Variants in ZNF644 observed in about 807,000 individuals in gnomAD.
The protein encoded by ZNF644 is zinc finger motif enhancer binding protein 2.
Under a neutral mutation model 108.0 loss-of-function variants are expected in ZNF644, and 20 were observed. The ratio of observed to expected loss-of-function variants is 0.19; its 90% confidence interval spans 0.13 to 0.27. The LOEUF (loss-of-function observed/expected upper bound fraction) is 0.27. Among genes scored for constraint, ZNF644 ranks in the 10% least tolerant of loss-of-function variants. The pLI, the probability that ZNF644 is intolerant of heterozygous loss-of-function variation, is 1.00. For synonymous variants in ZNF644, 542 were observed against 539.1 expected, an observed-to-expected ratio of 1.01 and a Z score of -0.08; for missense variants, 1,338 against 1,548.9, an observed-to-expected ratio of 0.86 and a Z score of 2.29.
chr1:90,972,513 T>C (rs1381653529), intron 2 of ZNF644, among the ~76,000 whole-genome samples: 1 of 152,220 alleles, frequency 6.6e-6, no homozygotes, highest in Non-Finnish European at 1.5e-5. Flanking sequence ...TGTGCACTGT[T>C]GGTGGGAATG....
chr1:90,967,187 C>T (rs1174982789), intron 2 of ZNF644, among the ~76,000 whole-genome samples: 2 of 148,754 alleles, frequency 1.3e-5, no homozygotes, highest in Non-Finnish European at 3.0e-5. Flanking sequence ...TCTCAAATTC[C>T]CCAACATGTT....
intron 1 of ZNF644, among the ~76,000 whole-genome samples, chr1:90,991,523 T>A (rs1051724206): frequency 2.0e-5 from 3 of 152,176 alleles, no homozygotes; most frequent in Non-Finnish European, 2.9e-5. Context: ...GACTGGGTAA[T>A]TTATGAAGAA....
intron 2 of ZNF644, among the ~76,000 whole-genome samples, chr1:90,957,338 A>G (rs1368107275): frequency 6.6e-6 from 1 of 152,182 alleles, no homozygotes; most frequent in Admixed American, 6.5e-5. Context: ...CTCAAAGAAA[A>G]CTACAAATAT....
intron 1 of ZNF644, among the ~76,000 whole-genome samples, chr1:91,013,171 T>C (rs1234245768): frequency 6.6e-6 from 1 of 152,118 alleles, no homozygotes; most frequent in Non-Finnish European, 1.5e-5. Flanking sequence ...CCTCTCATGT[T>C]TAAGCAATTC....
intron 2 of ZNF644, among the ~76,000 whole-genome samples, chr1:90,948,698 A>C (rs1033673086): frequency 9.9e-5 from 15 of 152,148 alleles, no homozygotes; most frequent in Admixed American, 3.9e-4. Context: ...AAAAAAATCC[A>C]CGTTTAAGTG....
At chr1:91,001,379 A>G (rs1658778466) in intron 1 of ZNF644, among the ~76,000 whole-genome samples, 2 of 152,322 alleles carry the variant, frequency 1.3e-5, no homozygotes, top group African/African-American at 4.8e-5. Flanking sequence ...GGCTGGTTCA[A>G]CGTACACAAA....
chr1:90,960,479 A>C (rs1201795752), intron 2 of ZNF644, among the ~76,000 whole-genome samples: 1 of 152,164 alleles, frequency 6.6e-6, no homozygotes, highest in Non-Finnish European at 1.5e-5. Flanking sequence ...GCAGTCTTCA[A>C]ATGTACACTC....
chr1:90,939,640 T>A lies in ZNF644; in HGVS notation c.1714A>T (p.Met572Leu), dbSNP rs773116362. Reference protein sequence around the residue: ...AQRKTQKKTFMKDSVVGSSKK... With the variant: ...AQRKTQKKTFLKDSVVGSSKK... ...GATGATCCTACTACAGAGTCTTTCA[T>A]GAAAGTCTTTTTTTGTGTTTTTCTC... The change falls in exon 3 of 6, where the codon ATG becomes TTG. Residue 572 changes from methionine to leucine, a missense_variant. By Grantham distance (15) the Met-to-Leu change is conservative. This residue lies in a region of ZNF644 where 462 missense variants were observed against 472.6 expected (regional missense o/e 0.98). Transcript: ENST00000337393. 2 of 1,614,054 alleles carry A rather than the reference T, an allele frequency of 1.2e-6. No individual in the cohort carries two copies. The highest frequency in any genetic ancestry group is 3.3e-5 in the Admixed American group (2 of 60,012).
chr1:90,998,661 C>T (rs746617250), intron 1 of ZNF644, among the ~76,000 whole-genome samples: 11 of 152,212 alleles, frequency 7.2e-5, no homozygotes, highest in South Asian at 2.1e-4. Context: ...TCCAAAGGAA[C>T]GCAGCTCCTC....
At chr1:90,995,250 A>G (rs1185405263) in intron 1 of ZNF644, among the ~76,000 whole-genome samples, 1 of 152,152 alleles carries the variant, frequency 6.6e-6, no homozygotes, top group Non-Finnish European at 1.5e-5. Flanking sequence ...TAACTACAAT[A>G]AAAAATTCCT....
intron 2 of ZNF644, among the ~76,000 whole-genome samples, chr1:90,941,798 A>AT (rs1160135616): frequency 1.3e-5 from 2 of 152,194 alleles, no homozygotes; most frequent in African/African-American, 4.8e-5. Flanking sequence ...TTTGTCACTT[A>AT]TAAGTTCATT....
chr1:90,987,320 A>G (rs1010082202), intron 1 of ZNF644, among the ~76,000 whole-genome samples: 3 of 150,826 alleles, frequency 2.0e-5, no homozygotes, highest in Non-Finnish European at 3.0e-5. Context: ...AGAAAAAGAG[A>G]AGACTTGAAA....
intron 1 of ZNF644, among the ~76,000 whole-genome samples, chr1:90,986,499 T>C (rs1027628687): frequency 1.3e-5 from 2 of 152,088 alleles, no homozygotes; most frequent in African/African-American, 4.8e-5. Context: ...TATTGGTTCA[T>C]TAACTGTAAC....
intron 1 of ZNF644, among the ~76,000 whole-genome samples, chr1:91,014,305 A>G (rs1422289888): frequency 6.6e-6 from 1 of 152,158 alleles, no homozygotes; most frequent in Non-Finnish European, 1.5e-5. Context: ...TGAGTGCCAG[A>G]ATTCAACATT....
intron 2 of ZNF644, among the ~76,000 whole-genome samples, chr1:90,957,247 C>A (rs1653839910): frequency 6.6e-6 from 1 of 152,140 alleles, no homozygotes; most frequent in African/African-American, 2.4e-5. Flanking sequence ...TTCTCAAATT[C>A]TTTCAGAAAT....
chr1:90,961,307 T>C, intron 2 of ZNF644, among the ~76,000 whole-genome samples: 1 of 152,284 alleles, frequency 6.6e-6, no homozygotes, highest in East Asian at 1.9e-4. Context: ...ATTATCAATC[T>C]AATCTAATTT....
At chr1:91,007,220 ATTTTGT>A (rs1318696445) in intron 1 of ZNF644, among the ~76,000 whole-genome samples, 6 of 30,274 alleles carry the variant, frequency 2.0e-4, no homozygotes, top group Non-Finnish European at 3.3e-4. Context: ...ATTTTCTCCC[ATTTTGT>A]TTTTTTTTTT....
At chr1:90,958,349 C>T (rs1437882663) in intron 2 of ZNF644, among the ~76,000 whole-genome samples, 2 of 149,224 alleles carry the variant, frequency 1.3e-5, no homozygotes, top group Non-Finnish European at 3.0e-5. Flanking sequence ...AATGGAAACA[C>T]ATCTATGTTC....
At position 90,941,049 on chromosome 1, in the gene ZNF644, G is replaced by A. The variant is rs1651918953; in HGVS notation, c.305C>T (p.Thr102Ile). The A allele has an allele frequency of 3.1e-6, 5 of 1,614,022 alleles. No individual in the cohort carries two copies. The East Asian group carries it at 1.1e-4, about 36-fold the overall frequency. Residue 102 changes from threonine to isoleucine, a missense_variant, in exon 3 of 6, where the codon ACT (threonine) becomes ATT (isoleucine). By Grantham distance (89) the Thr-to-Ile change is moderately conservative. Around this residue, in one of 6 missense-constraint regions of ZNF644, gnomAD observed 464 missense variants for 457.9 expected, o/e 1.01. Transcript: ENST00000337393. ...SSLFIHAGAP[T>I]VSSENFILPK... is the part of the protein sequence containing the mutation. ...CAAGATAAAGTTTTCACTAGAAACA[G>A]TAGGAGCACCAGCATGTATAAATAG...
Sources: allele counts gnomAD v4.1 joint callset (sites outside exome capture counted in the v4.1 genomes callset), GRCh38; gene constraint gnomAD v4.1.1; regional missense constraint gnomAD v4.1.1; transcripts MANE v1.5; gene names NCBI Gene and HGNC (gene_info 2026-07-23, HGNC 2026-07-21).